Variants in KIAA0825 observed in about 807,000 individuals in gnomAD.
KIAA0825 encodes the protein uncharacterized protein KIAA0825.
In KIAA0825, 119 loss-of-function variants were observed where a neutral mutation model predicts 147.6. That is an observed-to-expected ratio of 0.81 (90% confidence interval 0.69 to 0.94). The LOEUF is 0.94. Ranked by LOEUF, KIAA0825 falls within the 40% of genes least tolerant of loss-of-function variation. The pLI is 0.00. For missense variants in KIAA0825, 1,381 were observed against 1,472.7 expected (o/e 0.94, Z 1.02); for synonymous variants, 470 against 518.1 (o/e 0.91, Z 1.26).
intron 20 of KIAA0825, among the ~76,000 whole-genome samples, chr5:94,209,496 G>A (rs956828581): frequency 6.6e-5 from 10 of 152,140 alleles, no homozygotes; most frequent in East Asian, 3.9e-4. Context: ...GCTGTGGGGC[G>A]GTAAGGAGGA....
intron 14 of KIAA0825, among the ~76,000 whole-genome samples, chr5:94,429,380 GT>G (rs34949554): frequency 0.24 from 35,624 of 149,798 alleles, 4,575 homozygotes; most frequent in Middle Eastern, 0.32. Flanking sequence ...TTCCTAGAAT[GT>G]TTTTTTTTTC....
chr5:94,529,135 A>G, intron 3 of KIAA0825, among the ~76,000 whole-genome samples: 1 of 150,482 alleles, frequency 6.6e-6, no homozygotes, highest in East Asian at 1.9e-4. Context: ...AATAATACCT[A>G]TGGTTTATGT....
chr5:94,256,615 G>C (rs182609417), intron 20 of KIAA0825, among the ~76,000 whole-genome samples: 1 of 151,984 alleles, frequency 6.6e-6, no homozygotes, highest in East Asian at 1.9e-4. Context: ...TAATAAATTC[G>C]TGTTTGATAT....
At chr5:94,603,870 G>T (rs1323839324) in intron 1 of KIAA0825, among the ~76,000 whole-genome samples, 1 of 152,144 alleles carries the variant, frequency 6.6e-6, no homozygotes, top group African/African-American at 2.4e-5. Flanking sequence ...TCAATAAGAA[G>T]AGCTAAATAC....
At chr5:94,409,443 A>G (rs1447284936) in intron 15 of KIAA0825, among the ~76,000 whole-genome samples, 1 of 152,228 alleles carries the variant, frequency 6.6e-6, no homozygotes, top group East Asian at 1.9e-4. Flanking sequence ...GCAAACCATG[A>G]AAGTCTCACT....
intron 5 of KIAA0825, among the ~76,000 whole-genome samples, chr5:94,514,706 A>G (rs17083769): frequency 0.12 from 18,072 of 152,146 alleles, 3,464 homozygotes; most frequent in African/African-American, 0.4. Context: ...AATGGTCAAA[A>G]CTACTTGAGT....
At chr5:94,575,326 G>T (rs1465035163) in intron 2 of KIAA0825, among the ~76,000 whole-genome samples, 1 of 151,622 alleles carries the variant, frequency 6.6e-6, no homozygotes, top group Non-Finnish European at 1.5e-5. Context: ...AGATATGAAG[G>T]TGATGATAAA....
chr5:94,374,221 C>T (rs2150474699), intron 20 of KIAA0825, among the ~76,000 whole-genome samples: 1 of 152,282 alleles, frequency 6.6e-6, no homozygotes, highest in Non-Finnish European at 1.5e-5. Flanking sequence ...TTGGTTCAAT[C>T]TGACAAGCAA....
chr5:94,317,476 A>C (rs1779761503), intron 20 of KIAA0825, among the ~76,000 whole-genome samples: 1 of 152,034 alleles, frequency 6.6e-6, no homozygotes, highest in African/African-American at 2.4e-5. Context: ...CAGCAAGCCA[A>C]AATGAAAGCT....
chr5:94,487,009 GT>G (rs1198923588), intron 5 of KIAA0825, among the ~76,000 whole-genome samples: 6 of 152,142 alleles, frequency 3.9e-5, no homozygotes, highest in African/African-American at 1.4e-4. Context: ...TCTTGTGAAT[GT>G]TTATAAAGTA....
intron 1 of KIAA0825, among the ~76,000 whole-genome samples, chr5:94,604,680 C>A (rs1002614933): frequency 6.6e-6 from 1 of 152,046 alleles, no homozygotes; most frequent in Non-Finnish European, 1.5e-5. Context: ...AGGCAGAAAT[C>A]AAAAAGTTTT....
chr5:94,413,038 A>C (rs1237862827), intron 15 of KIAA0825: 6 of 142,672 alleles, frequency 4.2e-5, no homozygotes, highest in East Asian at 2.1e-4. Context: ...TGCAACCTCC[A>C]CCTCCCGGGT....
At chr5:94,492,442 T>C (rs1369256823) in intron 5 of KIAA0825, among the ~76,000 whole-genome samples, 1 of 152,248 alleles carries the variant, frequency 6.6e-6, no homozygotes, top group Admixed American at 6.5e-5. Context: ...TTGTTCTCCA[T>C]GCTCCTTCCT....
chr5:94,511,440 G>C (rs1430493345), intron 5 of KIAA0825, among the ~76,000 whole-genome samples: 2 of 151,570 alleles, frequency 1.3e-5, no homozygotes, highest in Admixed American at 1.3e-4. Context: ...GACCAACATG[G>C]GGAAACCCCT....
intron 2 of KIAA0825, among the ~76,000 whole-genome samples, chr5:94,581,763 G>C (rs1178042114): frequency 1.3e-5 from 2 of 152,144 alleles, no homozygotes; most frequent in Non-Finnish European, 2.9e-5. Flanking sequence ...TGCATTCCCA[G>C]CATGCCACTT....
chr5:94,423,517 T>G (rs1373938103), intron 14 of KIAA0825, among the ~76,000 whole-genome samples: 1 of 152,148 alleles, frequency 6.6e-6, no homozygotes, highest in Non-Finnish European at 1.5e-5. Context: ...GTACTAAAGA[T>G]TTACACATAC....
intron 20 of KIAA0825, among the ~76,000 whole-genome samples, chr5:94,205,294 TATATA>T (rs1772072248): frequency 1.4e-5 from 2 of 142,982 alleles, no homozygotes; most frequent in African/African-American, 5.2e-5. Context: ...TATATATATA[TATATA>T]TTTTGTTTTG....
intron 20 of KIAA0825, among the ~76,000 whole-genome samples, chr5:94,168,246 C>G (rs752551898): frequency 2.5e-4 from 38 of 151,940 alleles, no homozygotes; most frequent in Non-Finnish European, 5.4e-4. Flanking sequence ...GCAGTTTATC[C>G]AGCTATTTCT....
intron 20 of KIAA0825, among the ~76,000 whole-genome samples, chr5:94,177,320 A>T (rs756079663): frequency 5.5e-4 from 84 of 152,248 alleles, no homozygotes; most frequent in Non-Finnish European, 9.6e-4. Flanking sequence ...CAGATAAGTG[A>T]CTCAGATTGC....
Sources: allele counts gnomAD v4.1 joint callset (sites outside exome capture counted in the v4.1 genomes callset), GRCh38; gene constraint gnomAD v4.1.1; transcripts MANE v1.5; gene names NCBI Gene and HGNC (gene_info 2026-07-23, HGNC 2026-07-21).